UGGT1: variants seen among roughly 807,000 people sequenced by gnomAD.
UGGT1 encodes UDP-glucose glycoprotein glucosyltransferase 1.
A neutral mutation model predicts 203.9 loss-of-function variants in UGGT1; 107 were observed. The ratio of observed to expected loss-of-function variants is 0.52; its 90% CI spans 0.45 to 0.62. UGGT1 has a LOEUF of 0.62. UGGT1 is among the 20% of genes least tolerant of loss of function. The pLI, the probability that UGGT1 is intolerant of heterozygous loss-of-function variation, is 0.00. For synonymous variants in UGGT1, 628 were observed against 653.5 expected, an observed-to-expected ratio of 0.96 and a Z score of 0.59; for missense variants, 1,673 against 1,867.2, an observed-to-expected ratio of 0.90 and a Z score of 1.92.
At position 128,097,539 on chromosome 2, in the gene UGGT1, T is replaced by G. The variant is rs1299437026; in HGVS notation, c.169T>G (p.Ser57Ala). The G allele has an allele frequency of 6.2e-7, 1 of 1,614,054 alleles. No individual in the cohort carries two copies. Among genetic ancestry groups the G allele is most frequent in the African/African-American group, 1.3e-5 (1 of 74,932 alleles). Reference protein sequence around the residue: ...ITTSLTTKWFSTPLLLEASEF... With the variant: ...ITTSLTTKWFATPLLLEASEF... ...AACCTCTCTTACAACAAAATGGTTT[T>G]CCACTCCATTGTTGTTAGAAGCCAG... The change falls in exon 2 of 41, where the codon TCC (serine) becomes GCC (alanine). Residue 57 changes from serine to alanine, a missense_variant. By Grantham distance (99) the Ser-to-Ala change is moderately conservative. Coordinates refer to ENST00000259253, the MANE Select transcript of UGGT1 (RefSeq NM_020120.4).
intron 7 of UGGT1, among the ~76,000 whole-genome samples, 155 bp from the exon 8 acceptor site, chr2:128,116,110 G>A (rs1426010504): frequency 6.6e-6 from 1 of 152,154 alleles, no homozygotes; most frequent in African/African-American, 2.4e-5. Flanking sequence ...CATTGCCAAA[G>A]GGTAATTGTG....
In UGGT1 at chr2:128,187,565, A is replaced by C; in HGVS notation, c.4593A>C (p.Lys1531Asn). Residue 1531 changes from lysine to asparagine, a missense_variant, in exon 40 of 41, where the codon AAA (lysine) becomes AAC (asparagine). By Grantham distance (94) the Lys-to-Asn change is moderately conservative (BLOSUM62 0). Transcript: ENST00000259253. The part of the protein sequence containing the change: ...KQLQIRFQKE[K>N]ETGALYKEKT... ...TACAGATCCGCTTTCAGAAGGAGAAAGAAACGGGAGCACTGTACAAAGAGA... is the reference window on the plus strand; with the variant it reads ...TACAGATCCGCTTTCAGAAGGAGAACGAAACGGGAGCACTGTACAAAGAGA... The C allele has an allele frequency of 6.2e-7, 1 of 1,614,152 alleles. No homozygotes were observed. The highest frequency in any genetic ancestry group is 8.5e-7 in the Non-Finnish European group (1 of 1,180,018).
intron 20 of UGGT1, 29 bp from the exon 21 acceptor site, chr2:128,156,363 T>TC (rs1573587038): frequency 6.4e-7 from 1 of 1,560,436 alleles, no homozygotes; most frequent in Non-Finnish European, 8.8e-7. Flanking sequence ...ATACTTTTTT[T>TC]CTACTCTTTT....
intron 9 of UGGT1, 82 bp downstream of exon 9, chr2:128,120,538 T>C: frequency 1.9e-6 from 2 of 1,050,348 alleles, no homozygotes; most frequent in South Asian, 1.3e-5. Context: ...TGAATTTAAT[T>C]GTATGTAGTA....
rs1294850454 is a variant in UGGT1 at position 128,160,543 on chromosome 2, T to A, written c.2646T>A (p.Asp882Glu). The part of the protein sequence containing the change: ...FILSHAVYCR[D>E]VLKLKKGQRA... The stretch of plus-strand genomic sequence containing the variant: ...TGTCTCATGCCGTGTACTGCAGGGA[T>A]GTTCTGAAGCTGAAGAAGGGACAGA... Residue 882 changes from aspartate to glutamate, a missense_variant, in exon 24 of 41, where the codon GAT becomes GAA. Physicochemically the swap from Asp to Glu is conservative, Grantham distance 45 (BLOSUM62 2). This residue lies in a region of UGGT1 where 1,073 missense variants were observed against 1,078.7 expected (regional missense o/e 0.99). Transcript: ENST00000259253. The A allele has an allele frequency of 6.2e-7, 1 of 1,613,596 alleles. No homozygotes were observed. The highest frequency in any genetic ancestry group is 8.5e-7 in the Non-Finnish European group (1 of 1,179,876).
rs369076894 is a variant in UGGT1, at chr2:128,182,270, C to T, written c.4224C>T (p.Ala1408=). Residue 1408 remains alanine, a synonymous_variant, in exon 37 of 41, where the codon GCC becomes GCT. Coordinates refer to ENST00000259253, the MANE Select transcript of UGGT1 (RefSeq NM_020120.4). Reference sequence around the variant, plus strand: ...CAGGGTACTGGGCCAGTCATTTAGCCGGGCGAAAGTATCATATCAGGTACT... The same window carrying T: ...CAGGGTACTGGGCCAGTCATTTAGCTGGGCGAAAGTATCATATCAGGTACT... ...WKSGYWASHL[A]GRKYHISALY... is the part of the protein sequence containing the mutation. 18 of 1,613,190 alleles carry T rather than the reference C, an allele frequency of 1.1e-5. No individual in the cohort carries two copies. The highest frequency in any genetic ancestry group is 1.3e-5 in the African/African-American group (1 of 74,856).
chr2:128,143,012 C>A, intron 16 of UGGT1, 82 bp from the exon 17 acceptor site: 1 of 1,362,196 alleles, frequency 7.3e-7, no homozygotes, highest in Non-Finnish European at 9.8e-7. Context: ...ATATTTTCCT[C>A]TAAATTCAGA....
At chr2:128,171,651 G>T (rs1178880809) in intron 28 of UGGT1, among the ~76,000 whole-genome samples, 1 of 152,114 alleles carries the variant, frequency 6.6e-6, no homozygotes, top group Non-Finnish European at 1.5e-5. Context: ...GGGATTACAG[G>T]TGCACACTAC....
At chr2:128,159,093 CTTT>C (rs753907632) in intron 22 of UGGT1, among the ~76,000 whole-genome samples, 1 of 110,462 alleles carries the variant, frequency 9.1e-6, no homozygotes. Context: ...CTATCTGAGA[CTTT>C]TTTTTTTTTT....
Position 128,179,640 on chromosome 2 carries a change from A to G in UGGT1, c.3816-146A>G, listed in dbSNP as rs138143884. ...GAGTAAGTACAATTTTTCATTTTCC[A>G]TCACTGAGCGTCTCCCTCGGCCTAA... On this transcript the variant is annotated intron_variant, in intron 34 of 40. Coordinates refer to ENST00000259253, the MANE Select transcript of UGGT1 (RefSeq NM_020120.4). 5.1e-4 allele frequency: 307 copies of G among 601,808 alleles called. 3 individuals carry two copies. Among genetic ancestry groups the G allele is most frequent in the African/African-American group, 2.0e-3 (105 of 51,848 alleles). 37.3% of individuals were successfully genotyped at this position (601,808 alleles called of 1,614,324 possible).
At chr2:128,164,242 A>C (rs2104756311) in intron 25 of UGGT1, among the ~76,000 whole-genome samples, 1 of 152,354 alleles carries the variant, frequency 6.6e-6, no homozygotes, top group South Asian at 2.1e-4. Context: ...TATGTTTTTA[A>C]GTGAAAAAGC....
chr2:128,173,851 C>T lies in UGGT1; in HGVS notation c.3365C>T (p.Thr1122Ile), dbSNP rs1272643285. Residue 1122 changes from threonine to isoleucine, a missense_variant, in exon 30 of 41, where the codon ACC becomes ATC. Thr to Ile is a moderately conservative substitution (Grantham distance 89). This residue lies in a region of UGGT1 where 513 missense variants were observed against 684.1 expected (regional missense o/e 0.75). Transcript: ENST00000259253. Reference sequence around the variant, plus strand: ...CTGGAAGGTCATTGCTACGACATCACCACAGGCCAGCCTCCACGGGGACTA... The same window carrying T: ...CTGGAAGGTCATTGCTACGACATCATCACAGGCCAGCCTCCACGGGGACTA... ...LLLEGHCYDI[T>I]TGQPPRGLQF... 5.6e-6 allele frequency: 9 copies of T among 1,614,062 alleles called. No homozygotes were observed. The East Asian group carries it at 1.8e-4, about 32-fold the overall frequency.
intron 1 of UGGT1, among the ~76,000 whole-genome samples, chr2:128,096,716 A>G (rs963109783): frequency 2.0e-5 from 3 of 152,170 alleles, no homozygotes; most frequent in Non-Finnish European, 4.4e-5. Context: ...GGATTTCCAT[A>G]TCTTTTTTGG....
chr2:128,103,858 T>C (rs1687490545), intron 2 of UGGT1, 74 bp from the exon 3 acceptor site: 1 of 1,099,328 alleles, frequency 9.1e-7, no homozygotes, highest in Non-Finnish European at 1.3e-6. Context: ...AAAACTTATT[T>C]TTACTCTCTT....
chr2:128,097,328 T>C (rs890228463), intron 1 of UGGT1, 101 bp from the exon 2 acceptor site: 45 of 1,375,182 alleles, frequency 3.3e-5, no homozygotes, highest in Non-Finnish European at 4.2e-5. Flanking sequence ...TGAGCCGAGA[T>C]TGCACCACTG....
intron 4 of UGGT1, 22 bp from the exon 5 acceptor site, chr2:128,109,612 T>A: frequency 6.4e-7 from 1 of 1,571,408 alleles, no homozygotes; most frequent in Non-Finnish European, 8.8e-7. Context: ...TTAAAAAGTA[T>A]GTGTTGTGTC....
At chr2:128,128,702 CTG>C (rs1238217489) in intron 12 of UGGT1, among the ~76,000 whole-genome samples, 1 of 152,142 alleles carries the variant, frequency 6.6e-6, no homozygotes, top group East Asian at 1.9e-4. Flanking sequence ...ATGTTTGCCT[CTG>C]TGAATTGGTA....
intron 18 of UGGT1, among the ~76,000 whole-genome samples, chr2:128,147,124 TTTCTC>T (rs1689730042): frequency 6.6e-6 from 1 of 152,180 alleles, no homozygotes; most frequent in South Asian, 2.1e-4. Context: ...ACACAGTCCT[TTTCTC>T]TTCCCTCCTC....
rs747731060 is a variant in UGGT1, at chr2:128,159,766, C to T, written c.2562+46C>T. ...TGAGGCTGCCCCATTTTGTCTGCCA[C>T]GGAAGCTCACCCACTGCAGCTTACG... On this transcript the variant is annotated intron_variant, in intron 23 of 40. Coordinates refer to ENST00000259253, the MANE Select transcript of UGGT1 (RefSeq NM_020120.4). The T allele has an allele frequency of 5.2e-5, 82 of 1,584,802 alleles. 1 individual carries two copies. The highest frequency in any genetic ancestry group is 9.0e-5 in the South Asian group (8 of 89,178).
Sources: allele counts gnomAD v4.1 joint callset (sites outside exome capture counted in the v4.1 genomes callset), GRCh38; gene constraint gnomAD v4.1.1; regional missense constraint gnomAD v4.1.1; transcripts MANE v1.5; gene names NCBI Gene and HGNC (gene_info 2026-07-23, HGNC 2026-07-21).